The following THSD4 variants were observed in gnomAD, a reference collection of about 807,000 sequenced individuals.
THSD4 encodes thrombospondin type-1 domain-containing protein 4.
A neutral mutation model predicts 119.0 loss-of-function variants in THSD4; 69 were observed. The observed-to-expected ratio is 0.58, with a 90% CI of 0.48 to 0.71. The LOEUF (loss-of-function observed/expected upper bound fraction) is 0.71, where lower values mean the gene tolerates loss of function less well. Ranked by LOEUF, THSD4 falls within the 30% of genes least tolerant of loss-of-function variation. The pLI, the probability that THSD4 is intolerant of heterozygous loss-of-function variation, is 0.00. For missense variants in THSD4, 1,393 were observed against 1,391.1 expected (o/e 1.00, Z -0.02); for synonymous variants, 524 against 540.4 (o/e 0.97, Z 0.42).
chr15:71,679,748 G>A (rs1010232250), intron 8 of THSD4, among the ~76,000 whole-genome samples: 19 of 152,220 alleles, frequency 1.2e-4, no homozygotes, highest in African/African-American at 3.9e-4. Context: ...CTCGGCTGGA[G>A]AAGAGTTGTG....
intron 6 of THSD4, among the ~76,000 whole-genome samples, chr15:71,268,963 A>T (rs1241304739): frequency 6.6e-6 from 1 of 152,216 alleles, no homozygotes; most frequent in African/African-American, 2.4e-5. Context: ...AAATTGAGGC[A>T]GTAATTAATA....
chr15:71,623,809 C>G (rs4777419), intron 7 of THSD4, among the ~76,000 whole-genome samples: 149,838 of 151,990 alleles, frequency 0.99, 73,892 homozygotes, highest in Middle Eastern at 1. Flanking sequence ...TGTAATCCCA[C>G]CTACCTAGGA....
At chr15:71,600,215 G>A (rs1355085619) in intron 7 of THSD4, among the ~76,000 whole-genome samples, 1 of 143,316 alleles carries the variant, frequency 7.0e-6, no homozygotes, top group African/African-American at 2.4e-5. Flanking sequence ...GTATTTCAAA[G>A]TCTTGCTCTC....
intron 7 of THSD4, among the ~76,000 whole-genome samples, chr15:71,464,875 A>C (rs1232114025): frequency 6.6e-6 from 1 of 152,188 alleles, no homozygotes; most frequent in Non-Finnish European, 1.5e-5. Flanking sequence ...TAAGACATGA[A>C]AACACTACCC....
At chr15:71,515,477 G>A (rs982847408) in intron 7 of THSD4, among the ~76,000 whole-genome samples, 25 of 152,170 alleles carry the variant, frequency 1.6e-4, no homozygotes, top group African/African-American at 5.8e-4. Flanking sequence ...CTGTAGTTGT[G>A]TAATCACCAG....
At chr15:71,126,388 C>CT (rs2040456998) in intron 1 of THSD4, among the ~76,000 whole-genome samples, 1 of 152,220 alleles carries the variant, frequency 6.6e-6, no homozygotes, top group Admixed American at 6.5e-5. Context: ...TCGGGTGTTA[C>CT]TAGAGGCCAA....
intron 10 of THSD4, chr15:71,732,587 G>A (rs1174271651): frequency 1.3e-5 from 2 of 152,220 alleles, no homozygotes; most frequent in Non-Finnish European, 2.9e-5. Flanking sequence ...AGAAACTGCT[G>A]TGCTGAGCTC....
chr15:71,495,572 T>C (rs567831651), intron 7 of THSD4, among the ~76,000 whole-genome samples: 1 of 152,286 alleles, frequency 6.6e-6, no homozygotes, highest in South Asian at 2.1e-4. Context: ...GGACATCCAA[T>C]ACCAGACAAG....
intron 6 of THSD4, among the ~76,000 whole-genome samples, chr15:71,391,095 C>T (rs1697461747): frequency 6.7e-6 from 1 of 150,004 alleles, no homozygotes; most frequent in South Asian, 2.1e-4. Context: ...GTGGCACAAT[C>T]TCGGCTCACT....
intron 6 of THSD4, among the ~76,000 whole-genome samples, chr15:71,357,013 G>T (rs766121285): frequency 1.3e-5 from 2 of 152,162 alleles, no homozygotes; most frequent in African/African-American, 2.4e-5. Context: ...GTGGATTTGG[G>T]GTAAGAAGAG....
intron 16 of THSD4, among the ~76,000 whole-genome samples, chr15:71,765,483 G>A (rs1020573930): frequency 3.3e-5 from 5 of 152,230 alleles, no homozygotes; most frequent in Admixed American, 1.3e-4. Flanking sequence ...CCAACTCTGG[G>A]CCAACTGTGG....
intron 6 of THSD4, among the ~76,000 whole-genome samples, chr15:71,333,861 A>G (rs1219974451): frequency 2.6e-5 from 4 of 152,200 alleles, no homozygotes; most frequent in Non-Finnish European, 5.9e-5. Context: ...TTCGTTGACA[A>G]GATAATGCTA....
chr15:71,323,543 G>C (rs1024875003), intron 6 of THSD4, among the ~76,000 whole-genome samples: 2 of 152,190 alleles, frequency 1.3e-5, no homozygotes, highest in African/African-American at 4.8e-5. Flanking sequence ...GGGGGTTTGG[G>C]TTCCAGGTAG....
chr15:71,392,770 A>G (rs931946711), intron 6 of THSD4, among the ~76,000 whole-genome samples: 1 of 152,222 alleles, frequency 6.6e-6, no homozygotes, highest in Admixed American at 6.5e-5. Context: ...CCCACGGTCA[A>G]GAAGCGGGCT....
rs962135285 is a variant in THSD4, at chr15:71,635,008, C to T, written c.1153-25522C>T. Among the ~76,000 whole-genome samples, 3 of 152,150 alleles carry T rather than the reference C, an allele frequency of 2.0e-5. 1 individual carries two copies. The highest frequency in any genetic ancestry group is 2.1e-4 in the South Asian group (1 of 4,826). ...CACAAAAGCCTGATCCCATTAAGACCGTCAGATATTTCCTGCCATCGCATG... is the reference window on the plus strand; with the variant it reads ...CACAAAAGCCTGATCCCATTAAGACTGTCAGATATTTCCTGCCATCGCATG... On this transcript the variant is annotated intron_variant, in intron 7 of 17. Coordinates refer to ENST00000261862, the MANE Select transcript of THSD4 (RefSeq NM_024817.3).
intron 8 of THSD4, among the ~76,000 whole-genome samples, chr15:71,664,204 G>A (rs59947673): frequency 3.3e-5 from 5 of 151,726 alleles, no homozygotes; most frequent in African/African-American, 1.2e-4. Flanking sequence ...GGATGGTCTC[G>A]ATCTCCTGAC....
At chr15:71,745,031 C>T in intron 11 of THSD4, 75 bp from the exon 12 acceptor site, 3 of 1,536,504 alleles carry the variant, frequency 2.0e-6, no homozygotes, top group Admixed American at 3.7e-5. Context: ...GCACCCGAAT[C>T]TCTGTGCATC....
rs1367447856 is a variant in THSD4 at position 71,264,994 on chromosome 15, A to G, written c.1015+8279A>G. 2.6e-5 allele frequency among the ~76,000 whole-genome samples: 4 copies of G among 152,174 alleles called. No homozygotes were observed. In the East Asian group the frequency reaches 7.7e-4, roughly 29 times the overall value. On this transcript the variant is annotated intron_variant, in intron 6 of 17. Coordinates refer to ENST00000261862, the MANE Select transcript of THSD4 (RefSeq NM_024817.3). ...CTAAGGAACTAATTAAGATTAAATG[A>G]GGTCTTAAGGGCAGGGCCCTGATCT... is the stretch of plus-strand genomic sequence containing the variant.
intron 8 of THSD4, among the ~76,000 whole-genome samples, chr15:71,682,917 C>CCA (rs1276209516): frequency 2.2e-5 from 1 of 44,586 alleles, no homozygotes; most frequent in African/African-American, 1.1e-4. Context: ...TCTTCTTCTT[C>CCA]TTCTTTTTTT....
Sources: gnomAD v4.1 joint callset for allele counts (sites outside exome capture counted in the v4.1 genomes callset) on GRCh38, gnomAD v4.1.1 for gene constraint, MANE v1.5 for transcripts, NCBI Gene and HGNC (gene_info 2026-07-23, HGNC 2026-07-21) for gene names.